COL6A2: variants seen among roughly 807,000 people sequenced by gnomAD.
COL6A2 encodes the protein collagen type VI alpha 2 chain, also known as collagen alpha-2(VI) chain.
COL6A2 carries 90 observed loss-of-function variants against 124.9 expected under a neutral mutation model. The ratio of observed to expected loss-of-function variants is 0.72; its 90% CI spans 0.61 to 0.86. The LOEUF is 0.86. Among genes scored for constraint, COL6A2 ranks in the 40% least tolerant of loss-of-function variants. The probability of loss-of-function intolerance (pLI) is 0.00; values close to 1 mark genes in which losing one functional copy is unlikely to be tolerated. For synonymous variants in COL6A2, 793 were observed against 618.2 expected (o/e 1.28, Z -4.19); for missense variants, 1,607 against 1,502.5 (o/e 1.07, Z -1.15).
intron 27 of COL6A2, among the ~76,000 whole-genome samples, 181 bp downstream of exon 27, chr21:46,126,722 G>A (rs2078676099): frequency 6.6e-6 from 1 of 152,166 alleles, no homozygotes; most frequent in Non-Finnish European, 1.5e-5. Flanking sequence ...GAGGGGCTTG[G>A]GGAAGGCAGG....
intron 17 of COL6A2, among the ~76,000 whole-genome samples, 185 bp from the exon 18 acceptor site, chr21:46,121,371 T>TGG (rs1568934299): frequency 6.6e-6 from 1 of 152,140 alleles, no homozygotes; most frequent in Non-Finnish European, 1.5e-5. Context: ...CCTGAGGTCC[T>TGG]GGATGGGCCA....
chr21:46,121,530 C>T, intron 17 of COL6A2, 26 bp from the exon 18 acceptor site: 1 of 1,611,922 alleles, frequency 6.2e-7, no homozygotes, highest in Non-Finnish European at 8.5e-7. Context: ...CCTGTGCTGA[C>T]TTCTGAATTT....
rs148816799 is a variant in COL6A2 at position 46,131,485 on chromosome 21, G to A, written c.2462-469G>A. Among the ~76,000 whole-genome samples, 6 of 152,362 alleles carry A rather than the reference G, an allele frequency of 3.9e-5. No homozygotes were observed. In the East Asian group the frequency reaches 9.6e-4, roughly 24 times the overall value. ...GTCTTTCCGGGAGGGACGTGGCCCA[G>A]CCAGCTCTAGGTGTTCTGAGCAGCT... On this transcript the variant is annotated intron_variant, in intron 27 of 27. Transcript: ENST00000300527.
At chr21:46,130,655 G>A (rs1347240322) in intron 27 of COL6A2, among the ~76,000 whole-genome samples, 1 of 152,196 alleles carries the variant, frequency 6.6e-6, no homozygotes, top group Non-Finnish European at 1.5e-5. Context: ...CTGATGAATG[G>A]ACAGAGACCC....
intron 27 of COL6A2, among the ~76,000 whole-genome samples, chr21:46,130,293 G>A (rs1225047709): frequency 2.0e-5 from 3 of 152,226 alleles, no homozygotes; most frequent in Admixed American, 6.5e-5. Flanking sequence ...CACAACCTCT[G>A]CGGTCCTCAG....
At chr21:46,118,740 A>G (rs1481795033) in intron 13 of COL6A2, 64 bp downstream of exon 13, 28 of 1,537,166 alleles carry the variant, frequency 1.8e-5, no homozygotes, top group Non-Finnish European at 2.3e-5. Flanking sequence ...GGCCCAGATG[A>G]ACAGTCACGC....
At chr21:46,121,496 A>G in intron 17 of COL6A2, 60 bp from the exon 18 acceptor site, 1 of 1,529,728 alleles carries the variant, frequency 6.5e-7, no homozygotes, top group South Asian at 1.1e-5. Flanking sequence ...ATGTCAGGTG[A>G]CCCCTGGGCA....
At position 46,125,473 on chromosome 21, in the gene COL6A2, A is replaced by G; in HGVS notation, c.1825A>G (p.Lys609Glu). ...CCCTGCCACCCCCCCAGACTGTGAG[A>G]AGCGCTGTGGCGCCCTGGACGTGGT... ...RETCGCCDCE[K>E]RCGALDVVFV... Residue 609 changes from lysine (K) to glutamate (E), a missense_variant, in exon 25 of 28, where the codon AAG becomes GAG. Around this residue, in one of 3 missense-constraint regions of COL6A2, gnomAD observed 1,223 missense variants for 1,052.2 expected, o/e 1.16. Transcript: ENST00000300527. 1 of 1,604,388 alleles carries G rather than the reference A, an allele frequency of 6.2e-7. No individual in the cohort carries two copies. Among genetic ancestry groups the G allele is most frequent in the Non-Finnish European group, 8.5e-7 (1 of 1,172,024 alleles).
At chr21:46,113,764 G>C in intron 4 of COL6A2, 1 of 584,476 alleles carries the variant, frequency 1.7e-6, no homozygotes, top group Non-Finnish European at 3.1e-6. Flanking sequence ...AGCCAGGCTT[G>C]GTTTTTTAAA....
intron 27 of COL6A2, among the ~76,000 whole-genome samples, chr21:46,131,626 T>C (rs555917247): frequency 1.3e-5 from 2 of 152,142 alleles, no homozygotes; most frequent in African/African-American, 2.4e-5. Context: ...TCTTGAGCCA[T>C]GAAAGGATGC....
chr21:46,121,037 C>G lies in COL6A2; in HGVS notation c.1396-24C>G, dbSNP rs761936879. The G allele has an allele frequency of 4.3e-6, 7 of 1,612,044 alleles. No individual in the cohort carries two copies. The South Asian group carries it at 7.7e-5, about 18-fold the overall frequency. ...GGTGCTGCTGTCAGTCAAGAGAACC[C>G]CAAATTCCTCCCCTTTCTTCCAGGG... On this transcript the variant is annotated intron_variant, in intron 16 of 27. Coordinates refer to ENST00000300527, the MANE Select transcript of COL6A2 (RefSeq NM_001849.4).
In COL6A2 at chr21:46,131,995, G is replaced by A. The variant is rs117668143; in HGVS notation, c.2503G>A (p.Val835Ile). Reference sequence around the variant, plus strand: ...GTGCACGCAGCGGCCCGTGGACATCGTCTTCCTGCTGGACGGCTCCGAGCG... The same window carrying A: ...GTGCACGCAGCGGCCCGTGGACATCATCTTCCTGCTGGACGGCTCCGAGCG... ...AQCTQRPVDI[V>I]FLLDGSERLG... The change falls in exon 28 of 28, where the codon GTC (valine) becomes ATC (isoleucine). Residue 835 changes from valine to isoleucine, a missense_variant. Physicochemically the swap from Val to Ile is conservative, Grantham distance 29 (BLOSUM62 3). Coordinates refer to ENST00000300527, the MANE Select transcript of COL6A2 (RefSeq NM_001849.4). The A allele has an allele frequency of 9.8e-4, 1,583 of 1,610,044 alleles. 13 individuals carry two copies. The East Asian group carries it at 0.024, about 25-fold the overall frequency.
At chr21:46,131,045 CTG>C (rs1881103695) in intron 27 of COL6A2, among the ~76,000 whole-genome samples, 2 of 152,216 alleles carry the variant, frequency 1.3e-5, no homozygotes, top group African/African-American at 2.4e-5. Flanking sequence ...TCAGGGTCCT[CTG>C]TGTGCATTCC....
intron 27 of COL6A2, among the ~76,000 whole-genome samples, chr21:46,128,361 A>G (rs568627975): frequency 3.0e-4 from 45 of 152,324 alleles, no homozygotes; most frequent in Middle Eastern, 6.8e-3. Flanking sequence ...TCCAATTTCA[A>G]AGTGAACTCG....
At position 46,132,828 on chromosome 21, in the gene COL6A2, C is replaced by T. The variant is rs2078781873; in HGVS notation, c.*276C>T. On this transcript the variant is annotated 3_prime_UTR_variant, in exon 28 of 28. Coordinates refer to ENST00000300527, the MANE Select transcript of COL6A2 (RefSeq NM_001849.4). ...CCTGAGCTCTGGAGCAAGCCCTGAC[C>T]CAATAAAGGCTTTGAACCCATTGCG... is the stretch of plus-strand genomic sequence containing the variant. The T allele has an allele frequency of 3.6e-6, 2 of 552,016 alleles. No homozygotes were observed. Among genetic ancestry groups the T allele is most frequent in the Non-Finnish European group, 3.3e-6 (1 of 305,486 alleles). The allele number at this position is 552,016 out of a possible 1,614,324, so 34.2% of individuals were successfully genotyped here.
At chr21:46,131,467 C>T (rs988331395) in intron 27 of COL6A2, among the ~76,000 whole-genome samples, 7 of 152,198 alleles carry the variant, frequency 4.6e-5, no homozygotes, top group South Asian at 2.1e-4. Flanking sequence ...CTGGTCTTTC[C>T]GGGAGGGACG....
intron 27 of COL6A2, among the ~76,000 whole-genome samples, chr21:46,127,268 G>A (rs1249743123): frequency 1.3e-5 from 2 of 152,142 alleles, no homozygotes; most frequent in African/African-American, 2.4e-5. Flanking sequence ...GAGGACCACA[G>A]GGAGGAAACC....
intron 1 of COL6A2, among the ~76,000 whole-genome samples, chr21:46,101,103 T>C (rs1017479614): frequency 6.6e-6 from 1 of 152,198 alleles, no homozygotes; most frequent in Admixed American, 6.5e-5. Flanking sequence ...TTAACCATCC[T>C]AATGGGTGTG....
At chr21:46,129,795 A>C in intron 27 of COL6A2, 1 of 1,239,602 alleles carries the variant, frequency 8.1e-7, no homozygotes, top group Non-Finnish European at 1.0e-6. Context: ...CAAGACCCTT[A>C]ACTCACTCCC....
Sources: gnomAD v4.1 joint callset for allele counts (sites outside exome capture counted in the v4.1 genomes callset) on GRCh38, gnomAD v4.1.1 for gene constraint, gnomAD v4.1.1 regional missense constraint, MANE v1.5 for transcripts, NCBI Gene and HGNC (gene_info 2026-07-23, HGNC 2026-07-21) for gene names.